MGST1: variants seen among roughly 807,000 people sequenced by gnomAD.
MGST1 encodes the protein glutathione S-transferase 12.
Under a neutral mutation model 8.9 loss-of-function variants are expected in MGST1, and 5 were observed. That is an observed-to-expected ratio of 0.56 (90% CI 0.29 to 1.19). The LOEUF (loss-of-function observed/expected upper bound fraction) is 1.19. Among genes scored for constraint, MGST1 ranks in the 50% most tolerant of loss-of-function variants. The probability of loss-of-function intolerance (pLI) is 0.08; values close to 1 mark genes in which losing one functional copy is unlikely to be tolerated. For missense variants in MGST1, 182 were observed against 187.4 expected, an observed-to-expected ratio of 0.97 and a Z score of 0.17; for synonymous variants, 54 against 67.8, an observed-to-expected ratio of 0.80 and a Z score of 1.00.
rs7959506 is a variant in MGST1, at chr12:16,389,418, A to G, written n.778+5814A>G. Among the ~76,000 whole-genome samples, 72,125 of 152,112 alleles carry G rather than the reference A, an allele frequency of 0.47. 17,416 individuals carry two copies. Among genetic ancestry groups the G allele is most frequent in the East Asian group, 0.71 (3,662 of 5,162 alleles). On this transcript the variant is annotated intron_variant and non_coding_transcript_variant, in intron 1 of 1. Coordinates refer to the MGST1 transcript ENST00000359720. This position sits in a 1 kb window ranked among gnomAD's most constrained non-coding sequence, Gnocchi z 4.6. ...CCAGACTGTAGTTGAACTAAAATAA[A>G]TAAGGTCTCTTTTTGTCTTTTTTGT...
intron 4 of MGST1, chr12:16,551,284 G>C: frequency 6.2e-7 from 1 of 1,612,864 alleles, no homozygotes; most frequent in Non-Finnish European, 8.5e-7. Context: ...GTCTGGCAAA[G>C]GATCATGTTA....
rs539422793 is a variant in MGST1 at position 16,360,079 on chromosome 12, C to A, written c.221+2380C>A. ...GTGCAGCGACTGTGTGCACAGCGCC[C>A]CCTGGTGATGAGACACTGGCTTTTC... On this transcript the variant is annotated intron_variant, in intron 3 of 3. Transcript: ENST00000396210. 3.9e-5 allele frequency among the ~76,000 whole-genome samples: 6 copies of A among 152,254 alleles called. No homozygotes were observed. In the South Asian group the frequency reaches 1.2e-3, roughly 32 times the overall value.
At chr12:16,444,745 C>CT (rs1387162932) in intron 4 of MGST1, among the ~76,000 whole-genome samples, 1 of 151,852 alleles carries the variant, frequency 6.6e-6, no homozygotes, top group African/African-American at 2.4e-5. Flanking sequence ...TTTACTTATG[C>CT]TTTTTGTTCC....
intron 4 of MGST1, among the ~76,000 whole-genome samples, chr12:16,518,925 G>C (rs1275307030): frequency 6.6e-6 from 1 of 152,110 alleles, no homozygotes; most frequent in Non-Finnish European, 1.5e-5. Flanking sequence ...AACTAAATAG[G>C]GAATTCTTTC....
chr12:16,540,707 G>A lies in MGST1; in HGVS notation n.483-48821G>A, dbSNP rs547235454. ...GCACTTTGGGAGGCTGAGGCAGGAG[G>A]ATCACTTGAGGCCAGGAGTTCCAGA... is the stretch of plus-strand genomic sequence containing the variant. On this transcript the variant is annotated intron_variant and non_coding_transcript_variant, in intron 4 of 4. Coordinates refer to the MGST1 transcript ENST00000538857. 2.6e-5 allele frequency among the ~76,000 whole-genome samples: 4 copies of A among 152,264 alleles called. No homozygotes were observed. The South Asian group carries it at 8.3e-4, about 32-fold the overall frequency.
intron 1 of MGST1, among the ~76,000 whole-genome samples, chr12:16,404,273 A>G (rs945428899): frequency 6.6e-6 from 1 of 152,082 alleles, no homozygotes; most frequent in African/African-American, 2.4e-5. Context: ...CCTTTTAGTT[A>G]GATTACTTGA....
chr12:16,477,164 G>T (rs1032746061), intron 4 of MGST1, among the ~76,000 whole-genome samples: 1 of 152,138 alleles, frequency 6.6e-6, no homozygotes, highest in Non-Finnish European at 1.5e-5. Flanking sequence ...TTTATATGTG[G>T]TTTTGCTAAA....
intron 1 of MGST1, among the ~76,000 whole-genome samples, chr12:16,387,198 GA>G (rs1211572543): frequency 1.2e-4 from 18 of 151,316 alleles, no homozygotes; most frequent in Middle Eastern, 3.2e-3. Flanking sequence ...GTATAAATGG[GA>G]AAAAAAACAG....
rs11056987 is a variant in MGST1 at position 16,529,442 on chromosome 12, G to A, written n.483-60086G>A. ...AACAAGGCTGTCCATGATTCTTGTA[G>A]CAGAATTAAATACCACCCCTTCATC... On this transcript the variant is annotated intron_variant and non_coding_transcript_variant, in intron 4 of 4. Transcript: ENST00000538857. Among the ~76,000 whole-genome samples the A allele has an allele frequency of 8.8e-3, 1,332 of 152,136 alleles. 55 individuals are homozygous for A. The East Asian group carries it at 0.14, about 16-fold the overall frequency.
At chr12:16,430,895 T>G (rs1940933389) in intron 1 of MGST1, among the ~76,000 whole-genome samples, 1 of 152,212 alleles carries the variant, frequency 6.6e-6, no homozygotes, top group Non-Finnish European at 1.5e-5. Flanking sequence ...GTGAAAGTCC[T>G]AGATGGCACC....
In MGST1 at chr12:16,537,630, C is replaced by T. The variant is rs1022547188; in HGVS notation, n.483-51898C>T. Reference sequence around the variant, plus strand: ...GAAATCTAGGTGGAGGTTCCCAAACCTCAATTCTTGACTTCTGTGCACCTG... The same window carrying T: ...GAAATCTAGGTGGAGGTTCCCAAACTTCAATTCTTGACTTCTGTGCACCTG... On this transcript the variant is annotated intron_variant and non_coding_transcript_variant, in intron 4 of 4. Transcript: ENST00000538857. This position sits in a 1 kb window ranked among gnomAD's most constrained non-coding sequence, Gnocchi z 4.6. 6.6e-6 allele frequency among the ~76,000 whole-genome samples: 1 copy of T among 152,222 alleles called. No individual in the cohort carries two copies. The highest frequency in any genetic ancestry group is 1.5e-5 in the Non-Finnish European group (1 of 68,048).
intron 4 of MGST1, among the ~76,000 whole-genome samples, chr12:16,535,441 A>G (rs1273452191): frequency 2.0e-5 from 3 of 152,210 alleles, no homozygotes; most frequent in African/African-American, 7.2e-5. Flanking sequence ...GTATAAGTAG[A>G]AGATAACTCA....
rs1302746815 is a variant in MGST1, at chr12:16,449,250, G to T, written n.482+65646G>T. ...TACAATCATGGCAGAAGGTAAACGGGAGGTCAGTGTATCACATAGCAAGAG... is the reference window on the plus strand; with the variant it reads ...TACAATCATGGCAGAAGGTAAACGGTAGGTCAGTGTATCACATAGCAAGAG... On this transcript the variant is annotated intron_variant and non_coding_transcript_variant, in intron 4 of 4. Transcript: ENST00000538857. 2.0e-5 allele frequency among the ~76,000 whole-genome samples: 3 copies of T among 151,904 alleles called. No individual in the cohort carries two copies. In the East Asian group the frequency reaches 5.8e-4, roughly 30 times the overall value.
At chr12:16,360,271 T>C in intron 3 of MGST1, 1 of 892,138 alleles carries the variant, frequency 1.1e-6, no homozygotes, top group Non-Finnish European at 1.3e-6. Context: ...AAGTTAGACT[T>C]TTTTTTTTCA....
chr12:16,407,950 T>A (rs1940709830), intron 1 of MGST1, among the ~76,000 whole-genome samples: 2 of 144,640 alleles, frequency 1.4e-5, no homozygotes. Flanking sequence ...GAGAATTGCT[T>A]GAACTCGGGA....
At chr12:16,574,049 A>G (rs1942915306) in intron 4 of MGST1, 1 of 152,092 alleles carries the variant, frequency 6.6e-6, no homozygotes. Context: ...GAAGTAACAA[A>G]TGTGTCCACG....
chr12:16,543,308 G>T (rs1941802916), intron 4 of MGST1, among the ~76,000 whole-genome samples: 1 of 152,044 alleles, frequency 6.6e-6, no homozygotes, highest in Non-Finnish European at 1.5e-5. Flanking sequence ...GAGACCAAAA[G>T]AAGGCAATTA....
At chr12:16,391,153 T>C (rs78154793) in intron 1 of MGST1, among the ~76,000 whole-genome samples, 3 of 132,182 alleles carry the variant, frequency 2.3e-5, no homozygotes, top group Non-Finnish European at 4.8e-5. Context: ...TTTTTTTTTT[T>C]CAATTTTACT....
At position 16,559,057 on chromosome 12, in the gene MGST1, G is replaced by C. The variant is rs1195000775; in HGVS notation, n.483-30471G>C. On this transcript the variant is annotated intron_variant and non_coding_transcript_variant, in intron 4 of 4. Coordinates refer to the MGST1 transcript ENST00000538857. This position sits in a 1 kb window ranked among gnomAD's most constrained non-coding sequence, Gnocchi z 4.1. ...GTCACATTCTTTCTACTATTCTACA[G>C]GGTCTCATAAGAAGATTCTGCATCA... Among the ~76,000 whole-genome samples, 1 of 152,070 alleles carries C rather than the reference G, an allele frequency of 6.6e-6. No homozygotes were observed. Among genetic ancestry groups the C allele is most frequent in the East Asian group, 1.9e-4 (1 of 5,192 alleles).
Sources: allele counts gnomAD v4.1 joint callset (sites outside exome capture counted in the v4.1 genomes callset), GRCh38; gene constraint gnomAD v4.1.1; non-coding constraint Gnocchi (gnomAD v3.1); transcripts MANE v1.5; gene names NCBI Gene and HGNC (gene_info 2026-07-23, HGNC 2026-07-21).